Variants in CPNE4 observed in about 807,000 individuals in gnomAD.
CPNE4 encodes copine 4, also known as copine-4.
CPNE4 carries 25 observed loss-of-function variants against 67.9 expected under a neutral mutation model. The ratio of observed to expected loss-of-function variants is 0.37; its 90% CI spans 0.27 to 0.51. The LOEUF is 0.51. Among genes scored for constraint, CPNE4 ranks in the 20% least tolerant of loss-of-function variants. The probability of loss-of-function intolerance (pLI) is 0.93; values close to 1 mark genes in which losing one functional copy is unlikely to be tolerated. For synonymous variants in CPNE4, 242 were observed against 244.9 expected (o/e 0.99, Z 0.11); for missense variants, 464 against 690.8 (o/e 0.67, Z 3.68).
chr3:132,031,361 G>A (rs2074230622), intron 1 of CPNE4, among the ~76,000 whole-genome samples: 1 of 152,112 alleles, frequency 6.6e-6, no homozygotes, highest in South Asian at 2.1e-4. Context: ...AGACAAAAAT[G>A]GAAAGATCAA....
chr3:131,741,546 T>C (rs979562727), intron 2 of CPNE4, among the ~76,000 whole-genome samples: 2 of 152,078 alleles, frequency 1.3e-5, no homozygotes, highest in African/African-American at 4.8e-5. Context: ...AGTTCTCATA[T>C]GAGGTAAAAG....
At chr3:131,698,587 C>G (rs895649334) in intron 4 of CPNE4, among the ~76,000 whole-genome samples, 6 of 143,520 alleles carry the variant, frequency 4.2e-5, no homozygotes, top group African/African-American at 1.6e-4. Flanking sequence ...ACTGACAGCT[C>G]TTTTGAATTT....
chr3:131,807,248 C>G (rs2084350529), intron 2 of CPNE4, among the ~76,000 whole-genome samples: 1 of 152,164 alleles, frequency 6.6e-6, no homozygotes, highest in African/African-American at 2.4e-5. Flanking sequence ...AAGCCAGACA[C>G]TGAAGCACCA....
intron 2 of CPNE4, among the ~76,000 whole-genome samples, chr3:131,835,302 G>T (rs1401903521): frequency 1.6e-4 from 24 of 152,180 alleles, no homozygotes; most frequent in African/African-American, 5.8e-4. Context: ...GCCAAGGTGG[G>T]CAGATCAGCT....
At chr3:131,996,139 G>T (rs576787397) in intron 1 of CPNE4, among the ~76,000 whole-genome samples, 2 of 152,248 alleles carry the variant, frequency 1.3e-5, no homozygotes, top group East Asian at 3.9e-4. Flanking sequence ...ATTTGCACAG[G>T]ACACGATAAA....
At chr3:131,925,600 G>A (rs2070872483) in intron 1 of CPNE4, 1 of 152,054 alleles carries the variant, frequency 6.6e-6, no homozygotes, top group African/African-American at 2.4e-5. Flanking sequence ...GACAAAATTT[G>A]GTTTGGGGAT....
At chr3:132,038,454 G>C (rs1474350330), upstream of CPNE4, among the ~76,000 whole-genome samples, 5 of 152,064 alleles carry the variant, frequency 3.3e-5, no homozygotes, top group Non-Finnish European at 7.4e-5. Context: ...AAAATCTCTA[G>C]CTTTTCTTTC....
chr3:131,998,336 C>A (rs1253147387), intron 1 of CPNE4, among the ~76,000 whole-genome samples: 1 of 152,108 alleles, frequency 6.6e-6, no homozygotes, highest in African/African-American at 2.4e-5. Context: ...TTCCTTCAAC[C>A]TTACCTCCTT....
At chr3:131,856,718 T>A (rs1445154231) in intron 2 of CPNE4, among the ~76,000 whole-genome samples, 1 of 151,928 alleles carries the variant, frequency 6.6e-6, no homozygotes, top group East Asian at 1.9e-4. Flanking sequence ...ACAATAAAAA[T>A]TATTAATATT....
intron 2 of CPNE4, among the ~76,000 whole-genome samples, chr3:131,789,031 CACACAGAGAG>C (rs1560313680): frequency 6.8e-6 from 1 of 147,692 alleles, no homozygotes; most frequent in African/African-American, 2.5e-5. Context: ...CACACACACA[CACACAGAGAG>C]AGAGAGAGAG....
intron 7 of CPNE4, among the ~76,000 whole-genome samples, chr3:131,662,441 A>G (rs2080150178): frequency 6.6e-6 from 1 of 152,200 alleles, no homozygotes; most frequent in African/African-American, 2.4e-5. Flanking sequence ...ACATATACAT[A>G]TACACTCAGC....
intron 5 of CPNE4, among the ~76,000 whole-genome samples, chr3:131,693,226 G>A (rs2081070285): frequency 1.3e-5 from 2 of 151,998 alleles, no homozygotes; most frequent in African/African-American, 4.8e-5. Context: ...CTATAACAGG[G>A]GTTCTCAAAC....
chr3:131,825,137 C>T (rs79305539), intron 2 of CPNE4, among the ~76,000 whole-genome samples: 4,803 of 152,040 alleles, frequency 0.032, 184 homozygotes, highest in South Asian at 0.094. Flanking sequence ...TAGTGAGAAA[C>T]GGGGTCCATA....
intron 1 of CPNE4, among the ~76,000 whole-genome samples, chr3:131,996,294 G>A (rs2073291479): frequency 6.6e-6 from 1 of 152,130 alleles, no homozygotes; most frequent in Non-Finnish European, 1.5e-5. Context: ...AGAACATGGA[G>A]AGTAGGAGGA....
At chr3:131,886,640 G>A (rs1012761001) in intron 2 of CPNE4, among the ~76,000 whole-genome samples, 2 of 152,216 alleles carry the variant, frequency 1.3e-5, no homozygotes, top group African/African-American at 2.4e-5. Context: ...GCTGTACCCT[G>A]CAAAACCACA....
At chr3:131,906,113 C>T (rs1015861632) in intron 1 of CPNE4, among the ~76,000 whole-genome samples, 1 of 152,148 alleles carries the variant, frequency 6.6e-6, no homozygotes, top group African/African-American at 2.4e-5. Context: ...CACAAAGCTT[C>T]CTATTCTGAA....
chr3:131,778,840 G>A (rs959069074), intron 2 of CPNE4, among the ~76,000 whole-genome samples: 2 of 152,078 alleles, frequency 1.3e-5, no homozygotes, highest in East Asian at 3.9e-4. Context: ...CCTAGACAGA[G>A]TAATCAGGCA....
At chr3:131,639,220 A>G (rs1262125631) in intron 7 of CPNE4, among the ~76,000 whole-genome samples, 1 of 152,160 alleles carries the variant, frequency 6.6e-6, no homozygotes, top group Non-Finnish European at 1.5e-5. Context: ...AATGAAACAA[A>G]AAGTTGGTTC....
chr3:131,799,919 TTGTGTGTGTGTGTGTGTGTG>T (rs3070292), intron 2 of CPNE4, among the ~76,000 whole-genome samples: 6 of 145,692 alleles, frequency 4.1e-5, no homozygotes, highest in African/African-American at 7.6e-5. Flanking sequence ...TGTGTGTGTG[TTGTGTGTGTGTGTGTGTGTG>T]TGTGTGTGTG....
Sources: allele counts gnomAD v4.1 joint callset (sites outside exome capture counted in the v4.1 genomes callset), GRCh38; gene constraint gnomAD v4.1.1; transcripts MANE v1.5; gene names NCBI Gene and HGNC (gene_info 2026-07-23, HGNC 2026-07-21).